MAMDC2: variants seen among roughly 807,000 people sequenced by gnomAD.
MAMDC2 encodes MAM domain containing 2, also known as MAM domain-containing protein 2.
A neutral mutation model predicts 89.8 loss-of-function variants in MAMDC2; 57 were observed. The observed-to-expected ratio is 0.63, with a 90% confidence interval of 0.51 to 0.79. MAMDC2 has a LOEUF of 0.79. Among genes scored for constraint, MAMDC2 ranks in the 30% least tolerant of loss-of-function variants. MAMDC2 has a pLI of 0.00. For synonymous variants in MAMDC2, 313 were observed against 293.4 expected (o/e 1.07, Z -0.68); for missense variants, 800 against 820.6 (o/e 0.97, Z 0.31).
chr9:70,211,379 T>C (rs895013040), intron 11 of MAMDC2, among the ~76,000 whole-genome samples: 2 of 152,238 alleles, frequency 1.3e-5, no homozygotes, highest in Non-Finnish European at 2.9e-5. Context: ...ATTAATTTGA[T>C]CTTCAATCAC....
At chr9:70,124,316 C>T (rs1406841912) in intron 5 of MAMDC2, among the ~76,000 whole-genome samples, 1 of 152,158 alleles carries the variant, frequency 6.6e-6, no homozygotes, top group East Asian at 1.9e-4. Context: ...CTATTTTCTC[C>T]CTGACTCAAT....
intron 11 of MAMDC2, among the ~76,000 whole-genome samples, chr9:70,191,626 G>C (rs148921117): frequency 2.6e-5 from 4 of 152,138 alleles, no homozygotes; most frequent in Non-Finnish European, 4.4e-5. Context: ...TAGACAACTA[G>C]AATAGAGCAA....
At chr9:70,171,841 T>TA (rs2032358225) in intron 11 of MAMDC2, among the ~76,000 whole-genome samples, 3 of 152,024 alleles carry the variant, frequency 2.0e-5, no homozygotes, top group Non-Finnish European at 2.9e-5. Flanking sequence ...CTAAAAAAAA[T>TA]TGCAAAAAAA....
chr9:70,210,997 C>T (rs10868712), intron 11 of MAMDC2, among the ~76,000 whole-genome samples: 118,684 of 151,576 alleles, frequency 0.78, 46,581 homozygotes, highest in Admixed American at 0.83. Flanking sequence ...GCCAAGAGAT[C>T]AGCTATTAGT....
intron 2 of MAMDC2, among the ~76,000 whole-genome samples, chr9:70,089,422 A>G (rs191969704): frequency 1.6e-3 from 250 of 152,206 alleles, no homozygotes; most frequent in African/African-American, 5.5e-3. Flanking sequence ...GCATATTTGA[A>G]TTTTTTGCAT....
chr9:70,218,205 C>A, intron 11 of MAMDC2, 132 bp from the exon 12 acceptor site: 2 of 986,042 alleles, frequency 2.0e-6, no homozygotes, highest in Non-Finnish European at 2.9e-6. Context: ...ATGCATTCTT[C>A]AAAATTATAA....
intron 11 of MAMDC2, 98 bp from the exon 12 acceptor site, chr9:70,218,239 C>T: frequency 3.7e-6 from 5 of 1,337,066 alleles, no homozygotes; most frequent in Non-Finnish European, 5.1e-6. Flanking sequence ...TACTTTTAGT[C>T]AGATCATCTT....
At chr9:70,059,235 G>GTCT (rs1827092537) in intron 2 of MAMDC2, among the ~76,000 whole-genome samples, 1 of 152,208 alleles carries the variant, frequency 6.6e-6, no homozygotes, top group African/African-American at 2.4e-5. Flanking sequence ...AGTGAGATCA[G>GTCT]TCTTCTGTCT....
At chr9:70,073,488 A>G (rs1275899183) in intron 2 of MAMDC2, among the ~76,000 whole-genome samples, 3 of 152,204 alleles carry the variant, frequency 2.0e-5, no homozygotes, top group East Asian at 1.9e-4. Flanking sequence ...TCAAATGTCA[A>G]TGTGATCTCT....
At chr9:70,063,602 A>G (rs769015751) in intron 2 of MAMDC2, among the ~76,000 whole-genome samples, 4 of 152,230 alleles carry the variant, frequency 2.6e-5, no homozygotes, top group Non-Finnish European at 5.9e-5. Context: ...TTTGAAAATA[A>G]TGTTAATTTA....
At chr9:70,054,155 G>T (rs1826975368) in intron 2 of MAMDC2, among the ~76,000 whole-genome samples, 1 of 152,152 alleles carries the variant, frequency 6.6e-6, no homozygotes, top group Admixed American at 6.5e-5. Context: ...GGGCATTGAT[G>T]TAAGAATCTA....
chr9:70,048,177 C>T (rs1826803147), intron 2 of MAMDC2, among the ~76,000 whole-genome samples: 1 of 152,184 alleles, frequency 6.6e-6, no homozygotes, highest in Non-Finnish European at 1.5e-5. Context: ...TTTTCCCTAA[C>T]TTGTCAAGGG....
intron 12 of MAMDC2, among the ~76,000 whole-genome samples, chr9:70,221,380 TAG>T (rs58804811): frequency 0.2 from 1,446 of 7,066 alleles, 219 homozygotes; most frequent in Non-Finnish European, 0.3. Flanking sequence ...TATATATATA[TAG>T]AGAGAGAGAG....
chr9:70,168,855 C>T lies in MAMDC2; in HGVS notation c.1498+60C>T, dbSNP rs1338513990. 1.5e-5 allele frequency: 20 copies of T among 1,334,834 alleles called. No individual in the cohort carries two copies. The South Asian group carries it at 1.8e-4, about 12-fold the overall frequency. 82.7% of individuals were successfully genotyped at this position (1,334,834 alleles called of 1,614,324 possible). A position where few individuals can be genotyped will look rare whatever the true frequency, so the allele number is the denominator to read the frequency against. On this transcript the variant is annotated intron_variant, in intron 10 of 13. Transcript: ENST00000377182. ...TGACCTATACATACATTTCCTGTAT[C>T]GCTGAGAATCACATACATTTCATCT...
At chr9:70,209,540 C>T (rs962126046) in intron 11 of MAMDC2, among the ~76,000 whole-genome samples, 15 of 39,968 alleles carry the variant, frequency 3.8e-4, no homozygotes, top group South Asian at 1.0e-3. Context: ...TTAGTCTGAG[C>T]GGTCTATCTA....
At chr9:70,206,364 G>T (rs999310022) in intron 11 of MAMDC2, among the ~76,000 whole-genome samples, 9 of 152,040 alleles carry the variant, frequency 5.9e-5, no homozygotes, top group Non-Finnish European at 1.2e-4. Flanking sequence ...ATGTGTACAG[G>T]AACAGTCTAT....
intron 2 of MAMDC2, chr9:70,060,653 T>C (rs879367623): frequency 2.6e-5 from 4 of 152,066 alleles, no homozygotes; most frequent in Admixed American, 6.6e-5. Flanking sequence ...GATACTAAAT[T>C]CCAAGACACT....
chr9:70,109,861 G>A, intron 4 of MAMDC2, 57 bp downstream of exon 4: 1 of 1,406,812 alleles, frequency 7.1e-7, no homozygotes. Flanking sequence ...AAAAGTTACT[G>A]TTGCCAGAGG....
Position 70,044,173 on chromosome 9 carries a change from T to C in MAMDC2, c.-25T>C. On this transcript the variant is annotated 5_prime_UTR_variant, in exon 1 of 14. Coordinates refer to ENST00000377182, the MANE Select transcript of MAMDC2 (RefSeq NM_153267.5). ...CGGGCTGGCAACTTGCACCCCTTCC[T>C]AGTCATCCTCCCTGAAACGCGACCA... is the stretch of plus-strand genomic sequence containing the variant. 2.5e-6 allele frequency: 4 copies of C among 1,613,660 alleles called. No individual in the cohort carries two copies. The highest frequency in any genetic ancestry group is 3.4e-6 in the Non-Finnish European group (4 of 1,179,902).
Sources: gnomAD v4.1 joint callset for allele counts (sites outside exome capture counted in the v4.1 genomes callset) on GRCh38, gnomAD v4.1.1 for gene constraint, MANE v1.5 for transcripts, NCBI Gene and HGNC (gene_info 2026-07-23, HGNC 2026-07-21) for gene names.